DNAJC1: variants seen among roughly 807,000 people sequenced by gnomAD.
DNAJC1 encodes DnaJ heat shock protein family (Hsp40) member C1, also known as dnaJ homolog subfamily C member 1.
Under a neutral mutation model 76.6 loss-of-function variants are expected in DNAJC1, and 58 were observed. The observed-to-expected ratio is 0.76, with a 90% confidence interval of 0.61 to 0.94. The LOEUF (loss-of-function observed/expected upper bound fraction) is 0.94, where lower values mean the gene tolerates loss of function less well. Among genes scored for constraint, DNAJC1 ranks in the 40% least tolerant of loss-of-function variants. The pLI is 0.00. For synonymous variants in DNAJC1, 258 were observed against 267.9 expected, an observed-to-expected ratio of 0.96 and a Z score of 0.36; for missense variants, 689 against 677.3, an observed-to-expected ratio of 1.02 and a Z score of -0.19.
chr10:21,821,654 T>C (rs932226271), intron 8 of DNAJC1, among the ~76,000 whole-genome samples: 1 of 152,168 alleles, frequency 6.6e-6, no homozygotes, highest in African/African-American at 2.4e-5. Context: ...ATTATATATT[T>C]CTCCTAGGAT....
intron 8 of DNAJC1, among the ~76,000 whole-genome samples, chr10:21,865,182 C>T (rs1835978185): frequency 6.6e-6 from 1 of 152,088 alleles, no homozygotes. Flanking sequence ...TTAAACTATA[C>T]CTATCACAGG....
chr10:21,908,212 A>G (rs1207442432), intron 6 of DNAJC1, among the ~76,000 whole-genome samples: 1 of 85,088 alleles, frequency 1.2e-5, no homozygotes, highest in East Asian at 3.5e-4. Flanking sequence ...TATAAAATAT[A>G]TATTATATAT....
At chr10:21,944,304 T>A (rs927686334) in intron 1 of DNAJC1, among the ~76,000 whole-genome samples, 1 of 152,132 alleles carries the variant, frequency 6.6e-6, no homozygotes, top group Non-Finnish European at 1.5e-5. Flanking sequence ...TTTCTTTACA[T>A]CTCTGAAATT....
At chr10:21,919,990 C>A in intron 4 of DNAJC1, 61 bp from the exon 5 acceptor site, 1 of 1,043,872 alleles carries the variant, frequency 9.6e-7, no homozygotes, top group Non-Finnish European at 1.4e-6. Flanking sequence ...CAAATGTTAT[C>A]TAGGCTCTTC....
intron 1 of DNAJC1, among the ~76,000 whole-genome samples, chr10:21,942,862 G>A (rs1339495566): frequency 6.8e-6 from 1 of 147,378 alleles, no homozygotes; most frequent in Admixed American, 6.7e-5. Flanking sequence ...ACAATACCAA[G>A]CCTATATTCA....
chr10:21,898,386 G>A (rs898021055), intron 7 of DNAJC1, among the ~76,000 whole-genome samples: 3 of 152,140 alleles, frequency 2.0e-5, no homozygotes, highest in Admixed American at 2.0e-4. Context: ...TGGAGCCACT[G>A]TAAAGTCATG....
At chr10:21,797,619 C>T (rs1174921744) in intron 9 of DNAJC1, among the ~76,000 whole-genome samples, 1 of 152,192 alleles carries the variant, frequency 6.6e-6, no homozygotes, top group African/African-American at 2.4e-5. Flanking sequence ...AAGCAATTAG[C>T]TCAGGAGGCC....
chr10:22,003,550 G>T lies in DNAJC1; in HGVS notation c.-116C>A. ...CTGTCAGTGAAAAGCGCGGGCAGGC[G>T]CACCGGAGCGGCCCGCCAGGTGGCT... On this transcript the variant is annotated 5_prime_UTR_variant, in exon 1 of 12. Transcript: ENST00000376980. 8.3e-7 allele frequency: 1 copy of T among 1,209,196 alleles called. No individual in the cohort carries two copies. Among genetic ancestry groups the T allele is most frequent in the Non-Finnish European group, 1.0e-6 (1 of 958,514 alleles). 74.9% of individuals were successfully genotyped at this position (1,209,196 alleles called of 1,614,324 possible). A position where few individuals can be genotyped will look rare whatever the true frequency, so the allele number is the denominator to read the frequency against.
At chr10:21,986,740 A>G (rs1838254179) in intron 1 of DNAJC1, among the ~76,000 whole-genome samples, 1 of 152,116 alleles carries the variant, frequency 6.6e-6, no homozygotes, top group Admixed American at 6.6e-5. Context: ...TCAGCTTGCT[A>G]ACACTTTGGC....
chr10:21,873,820 A>G (rs1234271719), intron 8 of DNAJC1, among the ~76,000 whole-genome samples: 1 of 152,254 alleles, frequency 6.6e-6, no homozygotes, highest in Non-Finnish European at 1.5e-5. Context: ...TGATGAGAAC[A>G]TAATATCTAA....
chr10:21,836,261 C>A (rs1031280009), intron 8 of DNAJC1, among the ~76,000 whole-genome samples: 3 of 152,150 alleles, frequency 2.0e-5, no homozygotes, highest in Non-Finnish European at 2.9e-5. Flanking sequence ...AAATCCTTTA[C>A]AGACAAGCAA....
At chr10:21,913,358 G>T (rs749922447) in intron 6 of DNAJC1, among the ~76,000 whole-genome samples, 11 of 152,100 alleles carry the variant, frequency 7.2e-5, no homozygotes, top group Non-Finnish European at 1.3e-4. Flanking sequence ...CTGAAGACCT[G>T]TTTGATCTCA....
At chr10:21,922,805 G>A (rs775181079) in intron 3 of DNAJC1, among the ~76,000 whole-genome samples, 3 of 151,882 alleles carry the variant, frequency 2.0e-5, no homozygotes, top group Admixed American at 6.6e-5. Context: ...GAGAAAAAAG[G>A]TGAATATAGA....
At chr10:21,844,371 T>C (rs1181212359) in intron 8 of DNAJC1, among the ~76,000 whole-genome samples, 1 of 151,820 alleles carries the variant, frequency 6.6e-6, no homozygotes, top group Non-Finnish European at 1.5e-5. Context: ...GCTCCCAAAA[T>C]GTTGGGATTA....
chr10:21,756,698 CTTG>C lies in DNAJC1; in HGVS notation c.1651_1653del (p.Gln551del). 6.2e-7 allele frequency: 1 copy of C among 1,612,624 alleles called. No homozygotes were observed. The highest frequency in any genetic ancestry group is 1.1e-5 in the South Asian group (1 of 91,042). On this transcript the variant is annotated inframe_deletion, in exon 12 of 12. Transcript: ENST00000376980. ...ATCTCCCAGAATATTCAGCTTTTAGCTTGTTTTTTCTTTTGGACCAGTTCAACC... is the reference window on the plus strand; with the variant it reads ...ATCTCCCAGAATATTCAGCTTTTAGCTTTTTTCTTTTGGACCAGTTCAACC...
intron 1 of DNAJC1, among the ~76,000 whole-genome samples, chr10:21,937,849 AC>A (rs1837333877): frequency 1.3e-5 from 2 of 152,174 alleles, no homozygotes; most frequent in African/African-American, 2.4e-5. Context: ...AAATTAAACA[AC>A]ACATTTTTAA....
At chr10:21,830,964 T>C (rs1297779751) in intron 8 of DNAJC1, among the ~76,000 whole-genome samples, 3 of 152,222 alleles carry the variant, frequency 2.0e-5, no homozygotes, top group East Asian at 3.8e-4. Flanking sequence ...TTAATCATTA[T>C]AGAAATGCTG....
At chr10:21,786,272 A>G (rs909943255) in intron 9 of DNAJC1, among the ~76,000 whole-genome samples, 4 of 151,916 alleles carry the variant, frequency 2.6e-5, no homozygotes, top group African/African-American at 7.3e-5. Context: ...AAGGGAAAAG[A>G]GTAATTCCAG....
intron 9 of DNAJC1, among the ~76,000 whole-genome samples, chr10:21,782,360 A>G (rs1834542837): frequency 1.3e-5 from 2 of 152,370 alleles, no homozygotes; most frequent in African/African-American, 2.4e-5. Context: ...GAATCTCTGA[A>G]TAGACCAATA....
Sources: allele counts gnomAD v4.1 joint callset (sites outside exome capture counted in the v4.1 genomes callset), GRCh38; gene constraint gnomAD v4.1.1; transcripts MANE v1.5; gene names NCBI Gene and HGNC (gene_info 2026-07-23, HGNC 2026-07-21).